SMG6: variants seen among roughly 807,000 people sequenced by gnomAD.
SMG6 encodes the protein telomerase-binding protein EST1A.
A neutral mutation model predicts 142.2 loss-of-function variants in SMG6; 66 were observed. The observed-to-expected ratio is 0.46, with a 90% CI of 0.38 to 0.57. SMG6 has a LOEUF of 0.57. SMG6 is among the 20% of genes least tolerant of loss of function. The probability of loss-of-function intolerance (pLI) is 0.00; values close to 1 mark genes in which losing one functional copy is unlikely to be tolerated. For missense variants in SMG6, 1,793 were observed against 1,832.0 expected (o/e 0.98, Z 0.39); for synonymous variants, 779 against 702.4 (o/e 1.11, Z -1.72).
chr17:2,290,941 G>A (rs2075017382), intron 6 of SMG6, among the ~76,000 whole-genome samples: 1 of 152,188 alleles, frequency 6.6e-6, no homozygotes, highest in Non-Finnish European at 1.5e-5. Context: ...AACAGGTAAA[G>A]ATACAGAGAC....
At chr17:2,133,117 T>A (rs1272610223) in intron 13 of SMG6, among the ~76,000 whole-genome samples, 1 of 152,036 alleles carries the variant, frequency 6.6e-6, no homozygotes, top group Non-Finnish European at 1.5e-5. Flanking sequence ...TGGTGGCGCA[T>A]GCCTGTAGTC....
chr17:2,270,233 C>G (rs535931299), intron 8 of SMG6, among the ~76,000 whole-genome samples: 1 of 152,234 alleles, frequency 6.6e-6, no homozygotes, highest in South Asian at 2.1e-4. Flanking sequence ...GTGAATATAC[C>G]AGTGTGTATA....
intron 10 of SMG6, chr17:2,212,497 G>A (rs971313183): frequency 6.6e-6 from 1 of 152,196 alleles, no homozygotes; most frequent in Non-Finnish European, 1.5e-5. Context: ...CACAGAGTTG[G>A]CTTTACGTTC....
intron 8 of SMG6, among the ~76,000 whole-genome samples, chr17:2,267,785 T>C (rs963104785): frequency 6.6e-6 from 1 of 151,480 alleles, no homozygotes; most frequent in Non-Finnish European, 1.5e-5. Flanking sequence ...TCTCGCTCTG[T>C]TGCCCAGGCT....
At chr17:2,091,858 T>G (rs530926506) in intron 13 of SMG6, among the ~76,000 whole-genome samples, 10 of 151,802 alleles carry the variant, frequency 6.6e-5, no homozygotes, top group Non-Finnish European at 1.2e-4. Context: ...GTGTGTGTTT[T>G]TTTTTAGTAG....
At chr17:2,267,395 C>T (rs992101302) in intron 8 of SMG6, among the ~76,000 whole-genome samples, 2 of 151,832 alleles carry the variant, frequency 1.3e-5, no homozygotes, top group East Asian at 1.9e-4. Flanking sequence ...GGTATCCCTA[C>T]GTTGTCAAGG....
chr17:2,244,359 C>T (rs903218500), intron 9 of SMG6, among the ~76,000 whole-genome samples: 2 of 151,968 alleles, frequency 1.3e-5, no homozygotes, highest in Non-Finnish European at 2.9e-5. Flanking sequence ...GGACCTAAGC[C>T]GGAAGGCAGA....
intron 6 of SMG6, among the ~76,000 whole-genome samples, chr17:2,288,344 G>A (rs2151388248): frequency 6.6e-6 from 1 of 151,996 alleles, no homozygotes; most frequent in Middle Eastern, 3.4e-3. Context: ...GACAGCCCGG[G>A]AGTGGTGGCT....
intron 8 of SMG6, among the ~76,000 whole-genome samples, chr17:2,248,387 G>A (rs2073969658): frequency 6.6e-6 from 1 of 152,094 alleles, no homozygotes; most frequent in South Asian, 2.1e-4. Flanking sequence ...TTCCTGATTA[G>A]GTAGGAAACT....
At position 2,109,408 on chromosome 17, in the gene SMG6, C is replaced by T. The variant is rs139964052; in HGVS notation, c.3358-23507G>A. 8.7e-4 allele frequency among the ~76,000 whole-genome samples: 132 copies of T among 152,140 alleles called. 1 individual carries two copies. In the East Asian group the frequency reaches 0.025, roughly 29 times the overall value. ...CCTCGTAAGTAGCTGTGATTATAGG[C>T]GCGTGCCACCACGCCTGGTTAATTT... is the stretch of plus-strand genomic sequence containing the variant. On this transcript the variant is annotated intron_variant, in intron 13 of 18. Transcript: ENST00000263073.
chr17:2,251,888 G>C (rs2151315060), intron 8 of SMG6, among the ~76,000 whole-genome samples: 1 of 150,438 alleles, frequency 6.6e-6, no homozygotes, highest in South Asian at 2.1e-4. Context: ...GATCACCTGA[G>C]GTCGGGAGTT....
intron 10 of SMG6, among the ~76,000 whole-genome samples, chr17:2,210,903 C>T (rs775634556): frequency 1.2e-4 from 18 of 151,616 alleles, no homozygotes; most frequent in Non-Finnish European, 2.5e-4. Context: ...TAAGCCAAGA[C>T]ACAGATTAGC....
intron 13 of SMG6, among the ~76,000 whole-genome samples, chr17:2,126,453 C>T (rs2151532380): frequency 6.6e-6 from 1 of 152,200 alleles, no homozygotes; most frequent in East Asian, 1.9e-4. Flanking sequence ...AGACCAGACA[C>T]AGTGCCTCAT....
chr17:2,248,790 T>C (rs754650470), intron 8 of SMG6, among the ~76,000 whole-genome samples: 6 of 152,190 alleles, frequency 3.9e-5, no homozygotes, highest in Non-Finnish European at 5.9e-5. Flanking sequence ...GTATGTGACA[T>C]GAAGGAGCAG....
chr17:2,244,214 T>G (rs772954582), intron 9 of SMG6, among the ~76,000 whole-genome samples: 3 of 152,188 alleles, frequency 2.0e-5, no homozygotes, highest in Non-Finnish European at 4.4e-5. Flanking sequence ...GGAAAGGATA[T>G]GGGTCAAAAG....
intron 8 of SMG6, among the ~76,000 whole-genome samples, chr17:2,277,174 T>A (rs1358545406): frequency 3.5e-5 from 4 of 114,506 alleles, no homozygotes; most frequent in Non-Finnish European, 7.5e-5. Context: ...TATTTTTTAT[T>A]TTTTTTTTTT....
At chr17:2,087,512 T>C (rs1384402718) in intron 13 of SMG6, 2 of 1,041,064 alleles carry the variant, frequency 1.9e-6, no homozygotes, top group African/African-American at 1.7e-5. Context: ...GCTAAGTACT[T>C]TGACCACCTT....
At chr17:2,135,015 G>C (rs1221051660) in intron 13 of SMG6, among the ~76,000 whole-genome samples, 1 of 152,128 alleles carries the variant, frequency 6.6e-6, no homozygotes, top group East Asian at 1.9e-4. Flanking sequence ...GACTAGCTGG[G>C]ATTACAGGCG....
intron 13 of SMG6, among the ~76,000 whole-genome samples, chr17:2,141,094 A>G (rs1175253687): frequency 1.3e-5 from 2 of 152,248 alleles, no homozygotes; most frequent in African/African-American, 4.8e-5. Context: ...TTTCAATTTA[A>G]CTACATTAAG....
Sources: gnomAD v4.1 joint callset for allele counts (sites outside exome capture counted in the v4.1 genomes callset) on GRCh38, gnomAD v4.1.1 for gene constraint, MANE v1.5 for transcripts, NCBI Gene and HGNC (gene_info 2026-07-23, HGNC 2026-07-21) for gene names.